NAV3: variants seen among roughly 807,000 people sequenced by gnomAD.
NAV3 encodes the protein pore membrane and/or filament interacting like protein 1.
Under a neutral mutation model 244.7 loss-of-function variants are expected in NAV3, and 87 were observed. The observed-to-expected ratio is 0.36, with a 90% CI of 0.30 to 0.42. The LOEUF (loss-of-function observed/expected upper bound fraction) is 0.42. Among genes scored for constraint, NAV3 ranks in the 20% least tolerant of loss-of-function variants. The probability of loss-of-function intolerance (pLI) is 1.00; values close to 1 mark genes in which losing one functional copy is unlikely to be tolerated. For synonymous variants in NAV3, 1,126 were observed against 1,042.2 expected (o/e 1.08, Z -1.55); for missense variants, 2,663 against 2,893.3 (o/e 0.92, Z 1.83).
At chr12:78,059,496 T>C (rs1202195703) in intron 12 of NAV3, among the ~76,000 whole-genome samples, 1 of 151,992 alleles carries the variant, frequency 6.6e-6, no homozygotes, top group Non-Finnish European at 1.5e-5. Context: ...ACCATGTTGG[T>C]CAGGATGGTC....
chr12:77,883,931 TGAAC>T (rs1882976837), intron 1 of NAV3, among the ~76,000 whole-genome samples: 2 of 152,106 alleles, frequency 1.3e-5, no homozygotes, highest in Non-Finnish European at 2.9e-5. Context: ...AGGCATGAAA[TGAAC>T]TGTATTTGGC....
chr12:77,882,377 T>C (rs780842891), intron 1 of NAV3, among the ~76,000 whole-genome samples: 2 of 152,130 alleles, frequency 1.3e-5, no homozygotes, highest in Non-Finnish European at 2.9e-5. Context: ...TGGCTAGCCA[T>C]ATGCAGAAGA....
At chr12:78,005,297 A>C (rs187786855) in intron 7 of NAV3, among the ~76,000 whole-genome samples, 2 of 152,244 alleles carry the variant, frequency 1.3e-5, no homozygotes, top group African/African-American at 4.8e-5. Context: ...GAGCTAGCCA[A>C]GGTTCTGAAA....
chr12:77,822,368 T>G (rs1346497211), intron 2 of NAV3, among the ~76,000 whole-genome samples: 2 of 152,344 alleles, frequency 1.3e-5, no homozygotes, highest in East Asian at 1.9e-4. Flanking sequence ...AGTTTACCTT[T>G]CTTTTGACTG....
chr12:77,656,792 G>A (rs921501739), intron 2 of NAV3, among the ~76,000 whole-genome samples: 32 of 151,744 alleles, frequency 2.1e-4, no homozygotes, highest in African/African-American at 7.8e-4. Context: ...CTAGAACTCA[G>A]GATTAAGAAA....
chr12:77,766,735 G>T lies in NAV3; in HGVS notation c.73-173584G>T, dbSNP rs1378256481. Among the ~76,000 whole-genome samples the T allele has an allele frequency of 1.9e-3, 117 of 60,488 alleles. 2 individuals are homozygous for T. Among genetic ancestry groups the T allele is most frequent in the African/African-American group, 6.8e-3 (107 of 15,810 alleles). 39.7% of individuals were successfully genotyped at this position (60,488 alleles called of 152,430 possible). Reference sequence around the variant, plus strand: ...AGGATTCTAAAAAACAGGCAATTAAGTTTTTTTTTTTTTTTTTTTTTTTTT... The same window carrying T: ...AGGATTCTAAAAAACAGGCAATTAATTTTTTTTTTTTTTTTTTTTTTTTTT... On this transcript the variant is annotated intron_variant, in intron 2 of 8. Transcript: ENST00000550042.
Position 77,895,955 on chromosome 12 carries a change from T to TAA in NAV3, c.244-44341_244-44340dup, listed in dbSNP as rs755975061. Among the ~76,000 whole-genome samples the TAA allele has an allele frequency of 4.0e-3, 414 of 104,492 alleles. 1 individual carries two copies. The highest frequency in any genetic ancestry group is 5.8e-3 in the Non-Finnish European group (302 of 52,254). The allele number at this position is 104,492 out of a possible 152,430, so 68.6% of individuals were successfully genotyped here. On this transcript the variant is annotated intron_variant, in intron 1 of 39. Coordinates refer to ENST00000397909, the MANE Select transcript of NAV3 (RefSeq NM_001024383.2). ...ACTGCCTTTTGATCTCAATTTCCAG[T>TAA]AAAAAAAAAAAAAAAAAAAAAAAAG...
At chr12:77,795,090 T>G (rs1170428247) in intron 2 of NAV3, among the ~76,000 whole-genome samples, 1 of 152,178 alleles carries the variant, frequency 6.6e-6, no homozygotes. Flanking sequence ...AAAGCCAAGA[T>G]AGACTGAAAG....
rs532316089 is a variant in NAV3, at chr12:77,888,149, T to C, written c.244-52170T>C. Reference sequence around the variant, plus strand: ...AAAAGATTTAGGAAGGTTATTTAAATGTACATTTTAAACCCATACTCTAAC... The same window carrying C: ...AAAAGATTTAGGAAGGTTATTTAAACGTACATTTTAAACCCATACTCTAAC... On this transcript the variant is annotated intron_variant, in intron 1 of 39. Transcript: ENST00000397909. Among the ~76,000 whole-genome samples, 6 of 152,176 alleles carry C rather than the reference T, an allele frequency of 3.9e-5. No homozygotes were observed. The South Asian group carries it at 1.0e-3, about 26-fold the overall frequency.
chr12:77,748,289 T>G (rs1452259600), intron 2 of NAV3, among the ~76,000 whole-genome samples: 1 of 152,178 alleles, frequency 6.6e-6, no homozygotes, highest in Non-Finnish European at 1.5e-5. Flanking sequence ...CTAGAGCAAT[T>G]TGGTTGCCAC....
In NAV3 at chr12:77,814,348, A is replaced by T. The variant is rs186142319; in HGVS notation, c.73-125971A>T. ...AATCATTCGAGAAGATGTGGCCTCC[A>T]AATCAAATATTCTGCTTTTCTGCCG... On this transcript the variant is annotated intron_variant, in intron 2 of 8. Transcript: ENST00000550042. Among the ~76,000 whole-genome samples the T allele has an allele frequency of 2.9e-3, 445 of 152,288 alleles. 3 individuals carry two copies. The highest frequency in any genetic ancestry group is 0.01 in the African/African-American group (416 of 41,564).
chr12:78,149,713 T>C (rs1056128670), intron 22 of NAV3, among the ~76,000 whole-genome samples: 2 of 152,066 alleles, frequency 1.3e-5, no homozygotes, highest in Admixed American at 1.3e-4. Context: ...GCTGCATAGC[T>C]TTGGGCCTGC....
At chr12:77,677,316 A>T (rs1874249011) in intron 2 of NAV3, among the ~76,000 whole-genome samples, 1 of 152,240 alleles carries the variant, frequency 6.6e-6, no homozygotes, top group Non-Finnish European at 1.5e-5. Context: ...TTATTCTTTT[A>T]AAAAGATAAC....
At chr12:78,156,425 T>C (rs1957308206) in intron 22 of NAV3, among the ~76,000 whole-genome samples, 1 of 152,134 alleles carries the variant, frequency 6.6e-6, no homozygotes, top group South Asian at 2.1e-4. Context: ...GCCATTCTAA[T>C]CATAAACATT....
intron 1 of NAV3, among the ~76,000 whole-genome samples, chr12:77,918,647 GT>G (rs1330452476): frequency 1.3e-5 from 2 of 152,044 alleles, no homozygotes; most frequent in Non-Finnish European, 2.9e-5. Context: ...TTTCTGGGGG[GT>G]GATATGGCTC....
At chr12:77,919,776 C>T (rs1044519368) in intron 1 of NAV3, among the ~76,000 whole-genome samples, 3 of 151,942 alleles carry the variant, frequency 2.0e-5, no homozygotes, top group Non-Finnish European at 2.9e-5. Flanking sequence ...ATTATACTCC[C>T]TTTGCTTAAT....
chr12:78,123,987 A>G (rs540362669), intron 16 of NAV3, among the ~76,000 whole-genome samples: 1 of 152,242 alleles, frequency 6.6e-6, no homozygotes, highest in African/African-American at 2.4e-5. Flanking sequence ...GTTTTAATGA[A>G]TGTATCCTAG....
chr12:78,069,555 T>C (rs1388303209), intron 12 of NAV3, among the ~76,000 whole-genome samples: 1 of 151,964 alleles, frequency 6.6e-6, no homozygotes, highest in Non-Finnish European at 1.5e-5. Flanking sequence ...TATTAGATAT[T>C]ATTTTTGAAT....
intron 29 of NAV3, 43 bp from the exon 30 acceptor site, chr12:78,180,828 C>A (rs2139729968): frequency 2.0e-6 from 3 of 1,529,762 alleles, no homozygotes; most frequent in South Asian, 2.4e-5. Flanking sequence ...TTTTCTCAAT[C>A]AAACCAACTC....
Sources: allele counts gnomAD v4.1 joint callset (sites outside exome capture counted in the v4.1 genomes callset), GRCh38; gene constraint gnomAD v4.1.1; transcripts MANE v1.5; gene names NCBI Gene and HGNC (gene_info 2026-07-23, HGNC 2026-07-21).